The following CBR4 variants were observed in gnomAD, a reference collection of about 807,000 sequenced individuals.
CBR4 encodes carbonyl reductase 4.
In CBR4, 22 loss-of-function variants were observed where a neutral mutation model predicts 21.0. The ratio of observed to expected loss-of-function variants is 1.05; its 90% confidence interval spans 0.75 to 1.50. The LOEUF (loss-of-function observed/expected upper bound fraction) is 1.50, where lower values mean the gene tolerates loss of function less well. Among genes scored for constraint, CBR4 ranks in the 40% most tolerant of loss-of-function variants. The probability of loss-of-function intolerance (pLI) is 0.00; values close to 1 mark genes in which losing one functional copy is unlikely to be tolerated. For synonymous variants in CBR4, 100 were observed against 104.4 expected (o/e 0.96, Z 0.26); for missense variants, 302 against 286.3 (o/e 1.05, Z -0.40).
In CBR4 at chr4:168,987,790, CTT is replaced by C. The variant is rs1764741494; in HGVS notation, c.*2358_*2359del. 1.0e-6 allele frequency: 1 copy of C among 984,138 alleles called. No homozygotes were observed. The highest frequency in any genetic ancestry group is 1.2e-6 in the Non-Finnish European group (1 of 828,780). 61.0% of individuals were successfully genotyped at this position (984,138 alleles called of 1,614,324 possible). On this transcript the variant is annotated 3_prime_UTR_variant, in exon 5 of 5. Coordinates refer to ENST00000306193, the MANE Select transcript of CBR4 (RefSeq NM_032783.5). Reference sequence around the variant, plus strand: ...AGAAGCACGTAAATTAAATTATCCTCTTTGCACAATTATTCCCCCCAAAACTA... The same window carrying C: ...AGAAGCACGTAAATTAAATTATCCTCTGCACAATTATTCCCCCCAAAACTA...
chr4:168,952,456 G>A (rs182256931), intron 2 of CBR4, among the ~76,000 whole-genome samples: 2 of 152,192 alleles, frequency 1.3e-5, no homozygotes, highest in Non-Finnish European at 1.5e-5. Context: ...CATTGCTGCT[G>A]ACCTAGTGTG....
rs190954575 is a variant in CBR4, at chr4:168,952,808, C to T, written n.169+49263G>A. On this transcript the variant is annotated intron_variant and non_coding_transcript_variant, in intron 2 of 3. Transcript: ENST00000509108. The stretch of plus-strand genomic sequence containing the variant: ...CAGCCATGGATACCAGCACCTGTTC[C>T]GGTAGAGGTGGCAGGGGGGTGAAAT... 4.9e-3 allele frequency among the ~76,000 whole-genome samples: 753 copies of T among 152,236 alleles called. 7 individuals are homozygous for T. Among genetic ancestry groups the T allele is most frequent in the Admixed American group, 5.5e-3 (84 of 15,286 alleles).
intron 2 of CBR4, among the ~76,000 whole-genome samples, chr4:168,920,235 T>C (rs1761173477): frequency 1.3e-5 from 2 of 152,196 alleles, no homozygotes; most frequent in South Asian, 4.1e-4. Flanking sequence ...AGCCTGAGTG[T>C]CTCAGAAGCC....
intron 2 of CBR4, chr4:168,904,230 A>G: frequency 9.8e-6 from 3 of 307,292 alleles, no homozygotes; most frequent in Non-Finnish European, 1.9e-5. Flanking sequence ...TTAACAAATA[A>G]TATAACTTCA....
chr4:168,999,953 T>C (rs988859201), intron 4 of CBR4, among the ~76,000 whole-genome samples: 5 of 152,242 alleles, frequency 3.3e-5, no homozygotes, highest in African/African-American at 1.2e-4. Context: ...TTCCTGTAAT[T>C]TGGGGAGCTA....
chr4:168,993,640 T>C lies in CBR4; in HGVS notation c.536-3312A>G, dbSNP rs532204271. ...AAAGTTCATGTTATCTTCTCAAAGA[T>C]AGACACAATTATCCTTTAAGTTCTT... On this transcript the variant is annotated intron_variant, in intron 4 of 4. Coordinates refer to ENST00000306193, the MANE Select transcript of CBR4 (RefSeq NM_032783.5). Among the ~76,000 whole-genome samples the C allele has an allele frequency of 3.9e-5, 6 of 152,352 alleles. No individual in the cohort carries two copies. In the East Asian group the frequency reaches 5.8e-4, roughly 15 times the overall value.
At chr4:168,950,029 T>C (rs1279908157) in intron 2 of CBR4, among the ~76,000 whole-genome samples, 3 of 152,350 alleles carry the variant, frequency 2.0e-5, no homozygotes, top group South Asian at 2.1e-4. Context: ...ATCTTCCTAA[T>C]GGTCTATCAG....
chr4:168,894,828 C>T, intron 2 of CBR4: 1 of 1,318,926 alleles, frequency 7.6e-7, no homozygotes, highest in Non-Finnish European at 1.0e-6. Flanking sequence ...AACCTCACAG[C>T]TAATTTTTAT....
At chr4:168,959,561 CTTT>C (rs750848079) in intron 2 of CBR4, among the ~76,000 whole-genome samples, 4 of 50,872 alleles carry the variant, frequency 7.9e-5, no homozygotes, top group Non-Finnish European at 1.3e-4. Flanking sequence ...TTATCAATTT[CTTT>C]TTTTTTTTTT....
At chr4:169,005,842 T>A in intron 3 of CBR4, 1 of 1,269,848 alleles carries the variant, frequency 7.9e-7, no homozygotes, top group Non-Finnish European at 1.0e-6. Context: ...AAATTCTGGC[T>A]TGAAAAACCA....
intron 2 of CBR4, among the ~76,000 whole-genome samples, chr4:168,938,236 G>A (rs1190987816): frequency 6.6e-6 from 1 of 152,060 alleles, no homozygotes; most frequent in Non-Finnish European, 1.5e-5. Flanking sequence ...CAAAATTAAG[G>A]CAGAAATAAA....
At chr4:168,926,712 C>T (rs893721528) in intron 2 of CBR4, 5 of 316,796 alleles carry the variant, frequency 1.6e-5, no homozygotes, top group Non-Finnish European at 3.0e-5. Flanking sequence ...TCTACAAGTG[C>T]CTTTAAACAC....
At chr4:169,001,009 G>A (rs1277657151) in intron 4 of CBR4, among the ~76,000 whole-genome samples, 1 of 151,910 alleles carries the variant, frequency 6.6e-6, no homozygotes, top group Non-Finnish European at 1.5e-5. Context: ...GGTCTCAACA[G>A]GGTCTCGCTC....
chr4:169,002,384 A>G (rs909422717), intron 3 of CBR4, among the ~76,000 whole-genome samples, 179 bp from the exon 4 acceptor site: 22 of 152,354 alleles, frequency 1.4e-4, no homozygotes, highest in African/African-American at 4.8e-4. Context: ...TTAAGAGTCC[A>G]AGTCTGCTCC....
At chr4:168,954,202 A>G (rs1052105580) in intron 2 of CBR4, among the ~76,000 whole-genome samples, 1 of 152,208 alleles carries the variant, frequency 6.6e-6, no homozygotes, top group East Asian at 1.9e-4. Flanking sequence ...CAAATAAAAT[A>G]CATTTTATTT....
intron 2 of CBR4, among the ~76,000 whole-genome samples, chr4:168,909,170 C>A (rs571021990): frequency 2.0e-5 from 3 of 152,154 alleles, no homozygotes; most frequent in Admixed American, 2.0e-4. Context: ...TTAAGAACAA[C>A]GACATCTAAA....
Position 168,912,464 on chromosome 4 carries a change from CAAATT to C in CBR4, n.170-17704_170-17700del, listed in dbSNP as rs546551227. Among the ~76,000 whole-genome samples the C allele has an allele frequency of 2.0e-4, 30 of 152,196 alleles. No individual in the cohort carries two copies. In the East Asian group the frequency reaches 5.4e-3, roughly 27 times the overall value. On this transcript the variant is annotated intron_variant and non_coding_transcript_variant, in intron 2 of 3. Coordinates refer to the CBR4 transcript ENST00000509108. ...ACTCTGCTGGTAACAGTGAAAAAAA[CAAATT>C]AAGAGAAAGGGCTGAAACAAAAACC...
intron 2 of CBR4, among the ~76,000 whole-genome samples, chr4:168,968,705 AGTAG>A: frequency 6.6e-6 from 1 of 152,334 alleles, no homozygotes; most frequent in African/African-American, 2.4e-5. Flanking sequence ...TCATTAATTA[AGTAG>A]GAATATGATA....
intron 2 of CBR4, among the ~76,000 whole-genome samples, chr4:168,948,296 A>G (rs1315415987): frequency 6.6e-6 from 1 of 152,160 alleles, no homozygotes; most frequent in Non-Finnish European, 1.5e-5. Flanking sequence ...TACATTGTGA[A>G]GATTTTCTCC....
Sources: allele counts gnomAD v4.1 joint callset (sites outside exome capture counted in the v4.1 genomes callset), GRCh38; gene constraint gnomAD v4.1.1; transcripts MANE v1.5; gene names NCBI Gene and HGNC (gene_info 2026-07-23, HGNC 2026-07-21).